The following NFE2L1 variants were observed in gnomAD, a reference collection of about 807,000 sequenced individuals.
NFE2L1 encodes the protein endoplasmic reticulum membrane sensor NFE2L1.
NFE2L1 carries 18 observed loss-of-function variants against 61.6 expected under a neutral mutation model. That is an observed-to-expected ratio of 0.29 (90% CI 0.20 to 0.43). The LOEUF is 0.43. NFE2L1 is among the 20% of genes least tolerant of loss of function. NFE2L1 has a pLI of 1.00. For synonymous variants in NFE2L1, 419 were observed against 402.7 expected (o/e 1.04, Z -0.48); for missense variants, 827 against 973.5 (o/e 0.85, Z 2.00).
At position 48,058,868 on chromosome 17, in the gene NFE2L1, T is replaced by G. The variant is rs1416488469; in HGVS notation, c.1546T>G (p.Ser516Ala). 2.5e-6 allele frequency: 4 copies of G among 1,613,666 alleles called. No individual in the cohort carries two copies. The Admixed American group carries it at 5.0e-5, about 20-fold the overall frequency. ...SSSSASSSAS[S>A]SFSEEGAVGY... Reference sequence around the variant, plus strand: ...TTCCTCTGCTTCTTCCTCTGCCTCTTCCTCCTTTTCTGAGGAAGGTGCGGT... The same window carrying G: ...TTCCTCTGCTTCTTCCTCTGCCTCTGCCTCCTTTTCTGAGGAAGGTGCGGT... Residue 516 changes from serine to alanine, a missense_variant, in exon 6 of 6, where the codon TCC becomes GCC. Around this residue, in one of 3 missense-constraint regions of NFE2L1, gnomAD observed 667 missense variants for 748.4 expected, o/e 0.89. Coordinates refer to ENST00000362042, the MANE Select transcript of NFE2L1 (RefSeq NM_003204.3).
In NFE2L1 at chr17:48,058,837, C is replaced by CTCTTCT. The variant is rs2037473157; in HGVS notation, c.1518_1523dup (p.Ser508_Ser509dup). The CTCTTCT allele has an allele frequency of 3.1e-6, 5 of 1,613,716 alleles. No individual in the cohort carries two copies. Among genetic ancestry groups the CTCTTCT allele is most frequent in the Non-Finnish European group, 4.2e-6 (5 of 1,179,968 alleles). On this transcript the variant is annotated inframe_insertion, in exon 6 of 6. Coordinates refer to ENST00000362042, the MANE Select transcript of NFE2L1 (RefSeq NM_003204.3). ...CTTCCTCTTCTTCCTCCTCCTCTTC[C>CTCTTCT]TCTTCTTCCTCTGCTTCTTCCTCTG... is the stretch of plus-strand genomic sequence containing the variant.
chr17:48,058,478 C>A lies in NFE2L1; in HGVS notation c.1156C>A (p.Pro386Thr). 6.2e-7 allele frequency: 1 copy of A among 1,613,642 alleles called. No homozygotes were observed. Among genetic ancestry groups the A allele is most frequent in the Non-Finnish European group, 8.5e-7 (1 of 1,179,752 alleles). Residue 386 changes from proline to threonine, a missense_variant, in exon 6 of 6, where the codon CCT (proline) becomes ACT (threonine). By Grantham distance (38) the Pro-to-Thr change is conservative. This residue lies in a region of NFE2L1 where 667 missense variants were observed against 748.4 expected (regional missense o/e 0.89). Transcript: ENST00000362042. ...LLFSPEVESL[P>T]VASSSTLLPL... ...CTTCAGCCCCGAGGTGGAAAGCCTGCCTGTGGCCAGTAGCTCCACGCTGCT... is the reference window on the plus strand; with the variant it reads ...CTTCAGCCCCGAGGTGGAAAGCCTGACTGTGGCCAGTAGCTCCACGCTGCT...
chr17:48,051,367 C>T lies in NFE2L1; in HGVS notation c.249C>T (p.Leu83=), dbSNP rs773338181. Residue 83 remains leucine (L), a synonymous_variant, in exon 2 of 6, where the codon CTC becomes CTT. Transcript: ENST00000362042. Reference sequence around the variant, plus strand: ...ACAATTACTTCACTGCCCGGCGGCTCCTCAGTCAGGTGAGGGCCCTGGACA... The same window carrying T: ...ACAATTACTTCACTGCCCGGCGGCTTCTCAGTCAGGTGAGGGCCCTGGACA... The part of the protein sequence containing the change: ...DLDNYFTARR[L]LSQVRALDRF... 4 of 1,614,146 alleles carry T rather than the reference C, an allele frequency of 2.5e-6. No homozygotes were observed. The highest frequency in any genetic ancestry group is 3.4e-6 in the Non-Finnish European group (4 of 1,180,036).
Position 48,058,726 on chromosome 17 carries a change from G to A in NFE2L1, c.1404G>A (p.Gln468=), listed in dbSNP as rs2037468676. 1 of 1,614,208 alleles carries A rather than the reference G, an allele frequency of 6.2e-7. No homozygotes were observed. The highest frequency in any genetic ancestry group is 8.5e-7 in the Non-Finnish European group (1 of 1,180,024). Residue 468 remains glutamine (Q), a synonymous_variant, in exon 6 of 6, where the codon CAG becomes CAA. Coordinates refer to ENST00000362042, the MANE Select transcript of NFE2L1 (RefSeq NM_003204.3). The part of the protein sequence containing the change: ...EEGFNPVQAS[Q]LEEEFDSDSG... ...GCTTTAACCCTGTGCAGGCCTCCCAGCTGGAGGAGGAATTTGACTCTGACT... is the reference window on the plus strand; with the variant it reads ...GCTTTAACCCTGTGCAGGCCTCCCAACTGGAGGAGGAATTTGACTCTGACT...
rs1328669111 is a variant in NFE2L1 at position 48,061,192 on chromosome 17, CTTTATT to C, written c.*1556_*1561del. The C allele has an allele frequency of 6.6e-6, 1 of 152,148 alleles. No homozygotes were observed. The highest frequency in any genetic ancestry group is 6.5e-5 in the Admixed American group (1 of 15,280). 9.4% of individuals were successfully genotyped at this position (152,148 alleles called of 1,614,324 possible). A position where few individuals can be genotyped will look rare whatever the true frequency, so the allele number is the denominator to read the frequency against. On this transcript the variant is annotated 3_prime_UTR_variant, in exon 6 of 6. Transcript: ENST00000362042. ...CCAGATGGTTCCAGGACTACAATGT[CTTTATT>C]TTTAACTGTTTGCCACTGCTGCCCT...
intron 3 of NFE2L1, 140 bp downstream of exon 3, chr17:48,056,738 G>C: frequency 9.2e-7 from 1 of 1,084,146 alleles, no homozygotes; most frequent in South Asian, 1.6e-5. Context: ...TTGGGTTGGG[G>C]TCTGTAAGTC....
At position 48,059,389 on chromosome 17, in the gene NFE2L1, G is replaced by C. The variant is rs2229370; in HGVS notation, c.2067G>C (p.Leu689=). 0.023 allele frequency: 37,726 copies of C among 1,614,192 alleles called. 500 individuals are homozygous for C. Among genetic ancestry groups the C allele is most frequent in the Non-Finnish European group, 0.027 (32,251 of 1,180,038 alleles). ...ILNLERDVED[L]QRDKARLLRE... ...ATCTGGAGCGTGATGTGGAGGACCT[G>C]CAGCGTGACAAAGCCCGGCTGCTGC... Residue 689 remains leucine, a synonymous_variant, in exon 6 of 6, where the codon CTG becomes CTC. Coordinates refer to ENST00000362042, the MANE Select transcript of NFE2L1 (RefSeq NM_003204.3). This position sits in a 1 kb window ranked among gnomAD's most constrained non-coding sequence, Gnocchi z 6.1.
At chr17:48,055,553 G>T (rs2037379046) in intron 2 of NFE2L1, among the ~76,000 whole-genome samples, 1 of 144,222 alleles carries the variant, frequency 6.9e-6, no homozygotes, top group South Asian at 2.2e-4. Flanking sequence ...GTTGACTGAT[G>T]GGGATTTGGT....
intron 2 of NFE2L1, among the ~76,000 whole-genome samples, chr17:48,055,538 A>G (rs2037378726): frequency 1.3e-5 from 2 of 148,636 alleles, no homozygotes; most frequent in African/African-American, 2.5e-5. Flanking sequence ...TATGTCCTTG[A>G]GGGGGTTGAC....
chr17:48,058,389 C>G lies in NFE2L1; in HGVS notation c.1067C>G (p.Pro356Arg). 6.2e-7 allele frequency: 1 copy of G among 1,614,176 alleles called. No homozygotes were observed. The change falls in exon 6 of 6, where the codon CCC becomes CGC. Residue 356 changes from proline (P) to arginine (R), a missense_variant. Pro to Arg is a moderately radical substitution (Grantham distance 103, BLOSUM62 -2). Around this residue, in one of 3 missense-constraint regions of NFE2L1, gnomAD observed 667 missense variants for 748.4 expected, o/e 0.89. Transcript: ENST00000362042. ...AACTACAGCCTTGCCCCCAACACTC[C>G]CATCAATCAGAATGTCAGCCTGCAT... is the stretch of plus-strand genomic sequence containing the variant. Reference protein sequence around the residue: ...STNYSLAPNTPINQNVSLHQA... With the variant: ...STNYSLAPNTRINQNVSLHQA...
At chr17:48,057,263 A>G (rs780825560) in intron 4 of NFE2L1, 81 bp from the exon 5 acceptor site, 272 of 1,591,972 alleles carry the variant, frequency 1.7e-4, no homozygotes, top group Non-Finnish European at 2.2e-4. Context: ...AAGAACAGAA[A>G]CAGGTCCAGG....
At chr17:48,056,955 G>C (rs1351715172) in intron 3 of NFE2L1, 77 bp from the exon 4 acceptor site, 3 of 1,458,542 alleles carry the variant, frequency 2.1e-6, no homozygotes, top group African/African-American at 2.8e-5. Flanking sequence ...CAGGGCTTCA[G>C]CCATTCTGGG....
chr17:48,056,515 G>C lies in NFE2L1; in HGVS notation c.640G>C (p.Asp214His). 6.2e-7 allele frequency: 1 copy of C among 1,614,176 alleles called. No homozygotes were observed. The highest frequency in any genetic ancestry group is 8.5e-7 in the Non-Finnish European group (1 of 1,180,016). ...EKELRDGGEQ[D>H]TWAGEGAEAL... is the part of the protein sequence containing the mutation. ...GGAGCTGCGAGATGGAGGCGAGCAG[G>C]ACACCTGGGCAGGCGAGGGCGCGGA... The change falls in exon 3 of 6, where the codon GAC becomes CAC. Residue 214 changes from aspartate (D) to histidine (H), a missense_variant. This residue lies in a region of NFE2L1 where 667 missense variants were observed against 748.4 expected (regional missense o/e 0.89). Coordinates refer to ENST00000362042, the MANE Select transcript of NFE2L1 (RefSeq NM_003204.3).
chr17:48,054,862 C>T (rs918054785), intron 2 of NFE2L1: 3 of 1,351,664 alleles, frequency 2.2e-6, no homozygotes, highest in Admixed American at 7.2e-5. Context: ...GCTGGGCCGC[C>T]CAGGCAGCAG....
chr17:48,057,276 G>T, intron 4 of NFE2L1, 68 bp from the exon 5 acceptor site: 1 of 1,597,222 alleles, frequency 6.3e-7, no homozygotes, highest in South Asian at 1.1e-5. Flanking sequence ...GGTCCAGGTG[G>T]TAATCTCTGG....
chr17:48,050,250 G>A (rs1334379641), intron 1 of NFE2L1, among the ~76,000 whole-genome samples: 3 of 152,166 alleles, frequency 2.0e-5, no homozygotes, highest in African/African-American at 4.8e-5. Flanking sequence ...GGGCCGAGGC[G>A]GGCAGATCAC....
At position 48,059,839 on chromosome 17, in the gene NFE2L1, T is replaced by A; in HGVS notation, c.*198T>A. ...CAGCTCCACTCGGGTGGAGTGGAAG[T>A]GGCCAGACCATTTAGACGGACAGGG... is the stretch of plus-strand genomic sequence containing the variant. On this transcript the variant is annotated 3_prime_UTR_variant, in exon 6 of 6. Coordinates refer to ENST00000362042, the MANE Select transcript of NFE2L1 (RefSeq NM_003204.3). The surrounding 1 kb of genome is among the most constrained non-coding windows in gnomAD (Gnocchi z 6.1). The A allele has an allele frequency of 1.4e-6, 1 of 731,504 alleles. No homozygotes were observed. Among genetic ancestry groups the A allele is most frequent in the Non-Finnish European group, 2.1e-6 (1 of 473,372 alleles). The allele number at this position is 731,504 out of a possible 1,614,324, so 45.3% of individuals were successfully genotyped here.
In NFE2L1 at chr17:48,059,117, A is replaced by T; in HGVS notation, c.1795A>T (p.Ser599Cys). Residue 599 changes from serine to cysteine, a missense_variant, in exon 6 of 6, where the codon AGC becomes TGC. Transcript: ENST00000362042. The surrounding 1 kb of genome is among the most constrained non-coding windows in gnomAD (Gnocchi z 6.1). Reference protein sequence around the residue: ...LPPPSALKKGSKEKQADFLDK... With the variant: ...LPPPSALKKGCKEKQADFLDK... ...ACCACCCAGTGCCCTCAAGAAAGGC[A>T]GCAAGGAGAAGCAGGCTGACTTCCT... 2 of 1,614,124 alleles carry T rather than the reference A, an allele frequency of 1.2e-6. No homozygotes were observed. The highest frequency in any genetic ancestry group is 1.7e-6 in the Non-Finnish European group (2 of 1,180,030).
Position 48,051,231 on chromosome 17 carries a change from C to T in NFE2L1, c.113C>T (p.Pro38Leu). ...VDTYLTSQLP[P>L]LREIILGPSS... Reference sequence around the variant, plus strand: ...ACTTACCTGACCTCACAGCTTCCCCCACTCCGGGAGATCATCCTGGGGCCC... The same window carrying T: ...ACTTACCTGACCTCACAGCTTCCCCTACTCCGGGAGATCATCCTGGGGCCC... The change falls in exon 2 of 6, where the codon CCA becomes CTA. Residue 38 changes from proline to leucine, a missense_variant. By Grantham distance (98) the Pro-to-Leu change is moderately conservative (BLOSUM62 -3). Coordinates refer to ENST00000362042, the MANE Select transcript of NFE2L1 (RefSeq NM_003204.3). The T allele has an allele frequency of 6.2e-7, 1 of 1,614,186 alleles. No individual in the cohort carries two copies. Among genetic ancestry groups the T allele is most frequent in the Non-Finnish European group, 8.5e-7 (1 of 1,180,012 alleles).
Sources: allele counts gnomAD v4.1 joint callset (sites outside exome capture counted in the v4.1 genomes callset), GRCh38; gene constraint gnomAD v4.1.1; regional missense constraint gnomAD v4.1.1; non-coding constraint Gnocchi (gnomAD v3.1); transcripts MANE v1.5; gene names NCBI Gene and HGNC (gene_info 2026-07-23, HGNC 2026-07-21).